IFRD2: variants seen among roughly 807,000 people sequenced by gnomAD.
IFRD2 encodes interferon related developmental regulator 2, also known as interferon-related developmental regulator 2.
A neutral mutation model predicts 49.2 loss-of-function variants in IFRD2; 35 were observed. The observed-to-expected ratio is 0.71, with a 90% confidence interval of 0.54 to 0.94. The LOEUF (loss-of-function observed/expected upper bound fraction) is 0.94, where lower values mean the gene tolerates loss of function less well. IFRD2 is among the 40% of genes least tolerant of loss of function. IFRD2 has a pLI of 0.00. For synonymous variants in IFRD2, 275 were observed against 239.7 expected (o/e 1.15, Z -1.36); for missense variants, 561 against 591.6 (o/e 0.95, Z 0.54).
Position 50,290,560 on chromosome 3 carries a change from C to A in IFRD2, c.178G>T (p.Gly60Trp). ...CTGTCAAACTTCCACCCGCTCTCAC[C>A]AAGGCTGTCCTCTGCAGTGGTGCTG... ...LLSTTAEDSL[G>W]GDVVDEQGQQ... Residue 60 changes from glycine to tryptophan, a missense_variant and splice_region_variant, in exon 2 of 12, where the codon GGG (glycine) becomes TGG (tryptophan). Physicochemically the swap from Gly to Trp is radical, Grantham distance 184. Coordinates refer to ENST00000417626, the MANE Select transcript of IFRD2 (RefSeq NM_006764.5). 1 of 1,613,888 alleles carries A rather than the reference C, an allele frequency of 6.2e-7. No individual in the cohort carries two copies. Among genetic ancestry groups the A allele is most frequent in the Non-Finnish European group, 8.5e-7 (1 of 1,179,864 alleles).
chr3:50,288,756 C>T (rs1217103188), intron 9 of IFRD2, 44 bp downstream of exon 9: 2 of 1,612,080 alleles, frequency 1.2e-6, no homozygotes, highest in Non-Finnish European at 1.7e-6. Context: ...GCTGCTATGC[C>T]TGGGGGTGCA....
At position 50,289,596 on chromosome 3, in the gene IFRD2, ACTTT is replaced by A; in HGVS notation, c.626_629del (p.Glu209ValfsTer65). 6.3e-7 allele frequency: 1 copy of A among 1,594,632 alleles called. No individual in the cohort carries two copies. Among genetic ancestry groups the A allele is most frequent in the South Asian group, 1.1e-5 (1 of 87,940 alleles). ...CCAAGCCATAGAACCGGCTGAAAAC[ACTTT>A]CTAAGCAGGCAAGGCAAGAGACCAG... On this transcript the variant is annotated frameshift_variant, in exon 7 of 12. Coordinates refer to ENST00000417626, the MANE Select transcript of IFRD2 (RefSeq NM_006764.5). LOFTEE classifies it high-confidence loss of function.
In IFRD2 at chr3:50,289,551, A is replaced by G. The variant is rs1553709341; in HGVS notation, c.675T>C (p.Pro225=). 1.3e-6 allele frequency: 2 copies of G among 1,581,100 alleles called. No individual in the cohort carries two copies. The highest frequency in any genetic ancestry group is 1.7e-4 in the Middle Eastern group (1 of 6,030). ...FYGLGGSSTS[P]VVPASLHGLL... The stretch of plus-strand genomic sequence containing the variant: ...GGCCGTGCAGGCTGGCAGGAACCAC[A>G]GGACTTGTGGAGCTGCCCCCCAAGC... Residue 225 remains proline, a synonymous_variant, in exon 7 of 12, where the codon CCT becomes CCC. Coordinates refer to ENST00000417626, the MANE Select transcript of IFRD2 (RefSeq NM_006764.5).
At chr3:50,288,549 A>C (rs1553708991) in intron 10 of IFRD2, 34 bp downstream of exon 10, 1 of 1,613,930 alleles carries the variant, frequency 6.2e-7, no homozygotes, top group Admixed American at 1.7e-5. Context: ...TGAAGCAACC[A>C]CACCAGATGT....
At position 50,288,184 on chromosome 3, in the gene IFRD2, T is replaced by C. The variant is rs1186333587; in HGVS notation, c.*7A>G. On this transcript the variant is annotated 3_prime_UTR_variant, in exon 12 of 12. Coordinates refer to ENST00000417626, the MANE Select transcript of IFRD2 (RefSeq NM_006764.5). ...CATAGAAAGTCTCCTCTTCAGCAGGTCCTGCTTCACAGGATGTCTGCCCGC... is the reference window on the plus strand; with the variant it reads ...CATAGAAAGTCTCCTCTTCAGCAGGCCCTGCTTCACAGGATGTCTGCCCGC... 5 of 1,612,010 alleles carry C rather than the reference T, an allele frequency of 3.1e-6. No individual in the cohort carries two copies. The highest frequency in any genetic ancestry group is 4.2e-6 in the Non-Finnish European group (5 of 1,178,478).
At position 50,289,936 on chromosome 3, in the gene IFRD2, C is replaced by CG; in HGVS notation, c.538dup (p.Arg180ProfsTer18). On this transcript the variant is annotated frameshift_variant, in exon 5 of 12. Coordinates refer to ENST00000417626, the MANE Select transcript of IFRD2 (RefSeq NM_006764.5). LOFTEE classifies it high-confidence loss of function. Reference sequence around the variant, plus strand: ...GGGCACAGGCACACTCACGTGGAGCCGGGCAGCAGGGCTAGCTGTGCTGTC... The same window carrying CG: ...GGGCACAGGCACACTCACGTGGAGCCGGGGCAGCAGGGCTAGCTGTGCTGTC... The CG allele has an allele frequency of 6.2e-7, 1 of 1,613,038 alleles. No homozygotes were observed. The highest frequency in any genetic ancestry group is 8.5e-7 in the Non-Finnish European group (1 of 1,179,592).
At position 50,290,229 on chromosome 3, in the gene IFRD2, TCGGGGAGTAGG is replaced by T. The variant is rs1222335171; in HGVS notation, c.318_328del (p.Pro109AlafsTer42). The T allele has an allele frequency of 1.9e-6, 3 of 1,613,402 alleles. No homozygotes were observed. The highest frequency in any genetic ancestry group is 2.5e-6 in the Non-Finnish European group (3 of 1,179,710). The stretch of plus-strand genomic sequence containing the variant: ...CGTGAGGCGGCGCTCCAGCAAGAAG[TCGGGGAGTAGG>T]CGGGACGCTAGGGCCAGGCGCAGGC... On this transcript the variant is annotated frameshift_variant, in exon 4 of 12. Coordinates refer to ENST00000417626, the MANE Select transcript of IFRD2 (RefSeq NM_006764.5). LOFTEE classifies it high-confidence loss of function.
chr3:50,292,388 A>T lies in IFRD2; in HGVS notation c.-114T>A. 1 of 1,586,150 alleles carries T rather than the reference A, an allele frequency of 6.3e-7. No homozygotes were observed. ...GAGACTTGGCCAGACGACGGGAGCC[A>T]CACGCCACGCGCGCCACCATCTTCG... On this transcript the variant is annotated 5_prime_UTR_variant, in exon 1 of 12. It introduces an in-frame stop codon into an upstream open reading frame of the 5' UTR. Coordinates refer to ENST00000417626, the MANE Select transcript of IFRD2 (RefSeq NM_006764.5).
chr3:50,289,623 C>T lies in IFRD2; in HGVS notation c.603G>A (p.Leu201=), dbSNP rs781820561. 3 of 1,598,454 alleles carry T rather than the reference C, an allele frequency of 1.9e-6. No homozygotes were observed. The highest frequency in any genetic ancestry group is 2.6e-6 in the Non-Finnish European group (3 of 1,172,688). The change falls in exon 7 of 12, where the codon CTG becomes CTA. Residue 201 remains leucine, a synonymous_variant. Coordinates refer to ENST00000417626, the MANE Select transcript of IFRD2 (RefSeq NM_006764.5). The part of the protein sequence containing the change: ...CYVAAADIQD[L]VSCLACLESV... ...TTTCTAAGCAGGCAAGGCAAGAGAC[C>T]AGGTCCTAGGAGCACAGAGAGGCAG...
At position 50,291,007 on chromosome 3, in the gene IFRD2, C is replaced by CCT. The variant is rs1491472231; in HGVS notation, c.59-329_59-328insAG. 3.2e-4 allele frequency among the ~76,000 whole-genome samples: 30 copies of CCT among 94,428 alleles called. 3 individuals carry two copies. Among genetic ancestry groups the CCT allele is most frequent in the East Asian group, 1.2e-3 (5 of 4,340 alleles). The allele number at this position is 94,428 out of a possible 152,430, so 61.9% of individuals were successfully genotyped here. On this transcript the variant is annotated intron_variant, in intron 1 of 11. Coordinates refer to ENST00000417626, the MANE Select transcript of IFRD2 (RefSeq NM_006764.5). ...CGCACTGGCCTCTGCTCCCCGCCACCTTTTTTTTTTTTTTTTTTTTTTGAG... is the reference window on the plus strand; with the variant it reads ...CGCACTGGCCTCTGCTCCCCGCCACCCTTTTTTTTTTTTTTTTTTTTTTTGAG...
At chr3:50,290,717 C>T (rs1701657318) in intron 1 of IFRD2, 38 bp from the exon 2 acceptor site, 1 of 1,605,702 alleles carries the variant, frequency 6.2e-7, no homozygotes, top group Admixed American at 1.7e-5. Flanking sequence ...CTTGCCTCTA[C>T]TGATGAGGGA....
Position 50,289,646 on chromosome 3 carries a change from C to A in IFRD2, c.598-18G>T, listed in dbSNP as rs977754452. The A allele has an allele frequency of 3.1e-6, 5 of 1,596,802 alleles. No individual in the cohort carries two copies. Among genetic ancestry groups the A allele is most frequent in the Non-Finnish European group, 4.3e-6 (5 of 1,172,026 alleles). Reference sequence around the variant, plus strand: ...ACCAGGTCCTAGGAGCACAGAGAGGCAGGGGAGCTCAGAGGCAGAGTTACA... The same window carrying A: ...ACCAGGTCCTAGGAGCACAGAGAGGAAGGGGAGCTCAGAGGCAGAGTTACA... On this transcript the variant is annotated intron_variant, in intron 6 of 11. Transcript: ENST00000417626.
chr3:50,290,747 C>T (rs1434873532), intron 1 of IFRD2, 68 bp from the exon 2 acceptor site: 9 of 1,564,430 alleles, frequency 5.8e-6, no homozygotes, highest in East Asian at 2.3e-5. Context: ...GTACCTCACT[C>T]GACCTCATAA....
At position 50,288,033 on chromosome 3, in the gene IFRD2, A is replaced by G; in HGVS notation, c.*158T>C. 1.5e-6 allele frequency: 1 copy of G among 656,426 alleles called. No individual in the cohort carries two copies. The highest frequency in any genetic ancestry group is 1.8e-5 in the South Asian group (1 of 56,530). 40.7% of individuals were successfully genotyped at this position (656,426 alleles called of 1,614,324 possible). ...CAGGGACAAAGGGGTCAGGGTCCCA[A>G]GTGTCCGGGCCCCCAGCTACCCACC... is the stretch of plus-strand genomic sequence containing the variant. On this transcript the variant is annotated 3_prime_UTR_variant, in exon 12 of 12. Coordinates refer to ENST00000417626, the MANE Select transcript of IFRD2 (RefSeq NM_006764.5).
At position 50,288,651 on chromosome 3, in the gene IFRD2, A is replaced by C; in HGVS notation, c.1084T>G (p.Trp362Gly). Residue 362 changes from tryptophan (W) to glycine (G), a missense_variant, in exon 10 of 12, where the codon TGG (tryptophan) becomes GGG (glycine). Coordinates refer to ENST00000417626, the MANE Select transcript of IFRD2 (RefSeq NM_006764.5). ...FGFEVLYMDSWARHRIYAAFK... is the reference protein window; with the variant it reads ...FGFEVLYMDSGARHRIYAAFK... ...GCAGCGTAGATCCGGTGCCGAGCCC[A>C]GCTGTCCATGTAGAGCACCTCAAAG... The C allele has an allele frequency of 6.2e-7, 1 of 1,613,204 alleles. No individual in the cohort carries two copies. Among genetic ancestry groups the C allele is most frequent in the Non-Finnish European group, 8.5e-7 (1 of 1,179,640 alleles).
At chr3:50,291,831 C>T in intron 1 of IFRD2, 1 of 209,280 alleles carries the variant, frequency 4.8e-6, no homozygotes, top group South Asian at 1.3e-4. Context: ...CAACAGAGCC[C>T]CCTCCCTCTC....
Position 50,289,475 on chromosome 3 carries a change from T to C in IFRD2, c.751A>G (p.Ser251Gly), listed in dbSNP as rs782786857. ...AWALLLTICP[S>G]TQISHILDRQ... ...TCAAGGATGTGGCTGATTTGGGTGC[T>C]AGGGCAGATGGTGAGCAGCAATGCC... Residue 251 changes from serine to glycine, a missense_variant, in exon 7 of 12, where the codon AGC becomes GGC. Transcript: ENST00000417626. 4.4e-6 allele frequency: 7 copies of C among 1,583,168 alleles called. No individual in the cohort carries two copies. Among genetic ancestry groups the C allele is most frequent in the Admixed American group, 3.6e-5 (2 of 54,896 alleles).
At position 50,292,382 on chromosome 3, in the gene IFRD2, G is replaced by A. The variant is rs782728705; in HGVS notation, c.-108C>T. On this transcript the variant is annotated 5_prime_UTR_variant, in exon 1 of 12. Transcript: ENST00000417626. ...TGCGCTGAGACTTGGCCAGACGACGGGAGCCACACGCCACGCGCGCCACCA... is the reference window on the plus strand; with the variant it reads ...TGCGCTGAGACTTGGCCAGACGACGAGAGCCACACGCCACGCGCGCCACCA... The A allele has an allele frequency of 1.1e-5, 18 of 1,583,150 alleles. No homozygotes were observed. The Admixed American group carries it at 1.8e-4, about 16-fold the overall frequency.
Position 50,288,019 on chromosome 3 carries a change from G to A in IFRD2, c.*172C>T. 3.2e-6 allele frequency: 2 copies of A among 624,860 alleles called. No homozygotes were observed. Among genetic ancestry groups the A allele is most frequent in the South Asian group, 3.6e-5 (2 of 55,056 alleles). 38.7% of individuals were successfully genotyped at this position (624,860 alleles called of 1,614,324 possible). On this transcript the variant is annotated 3_prime_UTR_variant, in exon 12 of 12. Transcript: ENST00000417626. ...CACAGGGCTGAGTGCAGGGACAAAG[G>A]GGTCAGGGTCCCAAGTGTCCGGGCC...
Sources: allele counts gnomAD v4.1 joint callset (sites outside exome capture counted in the v4.1 genomes callset), GRCh38; gene constraint gnomAD v4.1.1; transcripts MANE v1.5; gene names NCBI Gene and HGNC (gene_info 2026-07-23, HGNC 2026-07-21).